ADAMTS16: variants seen among roughly 807,000 people sequenced by gnomAD.
The protein encoded by ADAMTS16 is A disintegrin and metalloproteinase with thrombospondin motifs 16.
ADAMTS16 carries 94 observed loss-of-function variants against 145.8 expected under a neutral mutation model. The ratio of observed to expected loss-of-function variants is 0.64; its 90% CI spans 0.55 to 0.77. ADAMTS16 has a LOEUF of 0.77. Ranked by LOEUF, ADAMTS16 falls within the 30% of genes least tolerant of loss-of-function variation. The pLI, the probability that ADAMTS16 is intolerant of heterozygous loss-of-function variation, is 0.00. For synonymous variants in ADAMTS16, 659 were observed against 604.3 expected, an observed-to-expected ratio of 1.09 and a Z score of -1.33; for missense variants, 1,585 against 1,591.5, an observed-to-expected ratio of 1.00 and a Z score of 0.07.
At chr5:5,259,368 G>A (rs547832070) in intron 17 of ADAMTS16, among the ~76,000 whole-genome samples, 2 of 152,296 alleles carry the variant, frequency 1.3e-5, no homozygotes, top group Admixed American at 6.5e-5. Flanking sequence ...CTGTTGAATC[G>A]AGGTTCAGGC....
intron 17 of ADAMTS16, among the ~76,000 whole-genome samples, chr5:5,256,456 A>AT (rs1179791495): frequency 2.6e-5 from 4 of 152,162 alleles, no homozygotes; most frequent in Admixed American, 2.6e-4. Flanking sequence ...TGAGTTTTAA[A>AT]TTTTTTTACT....
chr5:5,301,670 G>A (rs1560997390), intron 18 of ADAMTS16, among the ~76,000 whole-genome samples: 2 of 152,184 alleles, frequency 1.3e-5, no homozygotes, highest in Non-Finnish European at 2.9e-5. Context: ...CACCTAACCT[G>A]AGGGTGACTG....
chr5:5,176,744 T>C (rs1230825879), intron 3 of ADAMTS16, among the ~76,000 whole-genome samples: 2 of 152,220 alleles, frequency 1.3e-5, no homozygotes, highest in Non-Finnish European at 2.9e-5. Context: ...TATTAAATTA[T>C]ACTCTGCTTT....
At chr5:5,173,071 A>G (rs1378340787) in intron 3 of ADAMTS16, among the ~76,000 whole-genome samples, 2 of 151,330 alleles carry the variant, frequency 1.3e-5, no homozygotes, top group Non-Finnish European at 2.9e-5. Flanking sequence ...TGCATGGAAT[A>G]TCTCTTTCTA....
intron 18 of ADAMTS16, among the ~76,000 whole-genome samples, chr5:5,283,126 C>T (rs1209106728): frequency 1.3e-5 from 2 of 152,032 alleles, no homozygotes; most frequent in Non-Finnish European, 2.9e-5. Context: ...TTATTTACCC[C>T]TGCCCTTAGT....
At chr5:5,274,118 T>C (rs558363960) in intron 18 of ADAMTS16, among the ~76,000 whole-genome samples, 1 of 152,312 alleles carries the variant, frequency 6.6e-6, no homozygotes, top group African/African-American at 2.4e-5. Flanking sequence ...ATATATTTCC[T>C]AGGCCCACAC....
At chr5:5,194,187 T>G (rs1735737424) in intron 8 of ADAMTS16, among the ~76,000 whole-genome samples, 1 of 152,150 alleles carries the variant, frequency 6.6e-6, no homozygotes, top group Non-Finnish European at 1.5e-5. Context: ...GTATCAGATC[T>G]TTCTTGAACA....
intron 4 of ADAMTS16, 35 bp from the exon 5 acceptor site, chr5:5,186,017 G>T: frequency 1.3e-6 from 2 of 1,572,698 alleles, no homozygotes; most frequent in Non-Finnish European, 1.7e-6. Flanking sequence ...TGTGTGACTT[G>T]TGCTTCCATT....
intron 3 of ADAMTS16, among the ~76,000 whole-genome samples, chr5:5,171,591 T>C (rs1193179441): frequency 6.6e-6 from 1 of 152,262 alleles, no homozygotes; most frequent in Non-Finnish European, 1.5e-5. Flanking sequence ...TTTGTCTATG[T>C]TGAAGCATCT....
intron 17 of ADAMTS16, among the ~76,000 whole-genome samples, chr5:5,249,357 T>C (rs1737550681): frequency 6.6e-6 from 1 of 152,172 alleles, no homozygotes; most frequent in African/African-American, 2.4e-5. Flanking sequence ...AAGAAGTAGA[T>C]GTCTTATTAC....
chr5:5,200,354 C>T, intron 9 of ADAMTS16, 85 bp downstream of exon 9: 1 of 1,534,128 alleles, frequency 6.5e-7, no homozygotes, highest in Non-Finnish European at 8.8e-7. Flanking sequence ...GCAAGCAGCC[C>T]CAGGCTGTGC....
intron 21 of ADAMTS16, among the ~76,000 whole-genome samples, chr5:5,312,448 A>AT (rs11458204): frequency 0.5 from 67,418 of 134,364 alleles, 16,812 homozygotes; most frequent in East Asian, 0.57. Context: ...TGTTGTTGTT[A>AT]TTTTTTTTTT....
intron 11 of ADAMTS16, among the ~76,000 whole-genome samples, chr5:5,230,472 A>C (rs983197904): frequency 2.0e-5 from 3 of 152,160 alleles, no homozygotes; most frequent in African/African-American, 7.2e-5. Flanking sequence ...TTAGTGAAAG[A>C]GCTTCGAAGA....
chr5:5,229,133 C>G (rs1166594298), intron 11 of ADAMTS16, among the ~76,000 whole-genome samples: 1 of 151,236 alleles, frequency 6.6e-6, no homozygotes, highest in African/African-American at 2.4e-5. Context: ...CCCGTCTCTA[C>G]TAAAAATACA....
intron 11 of ADAMTS16, among the ~76,000 whole-genome samples, chr5:5,231,878 G>A (rs1259394188): frequency 1.3e-5 from 2 of 152,110 alleles, no homozygotes; most frequent in African/African-American, 2.4e-5. Context: ...CCAAGGCTCC[G>A]AGCCCAGGTG....
chr5:5,318,100 G>T, intron 21 of ADAMTS16, 34 bp from the exon 22 acceptor site: 1 of 1,347,508 alleles, frequency 7.4e-7, no homozygotes, highest in East Asian at 2.8e-5. Context: ...TGAGAGCCTG[G>T]GGCCATGGTG....
At chr5:5,262,905 G>A in intron 18 of ADAMTS16, 122 bp downstream of exon 18, 3 of 1,408,686 alleles carry the variant, frequency 2.1e-6, no homozygotes, top group Non-Finnish European at 2.9e-6. Flanking sequence ...TAACAGTGGA[G>A]AAGCAAAGGG....
intron 12 of ADAMTS16, 33 bp downstream of exon 12, chr5:5,232,549 G>C (rs764625972): frequency 6.3e-7 from 1 of 1,599,432 alleles, no homozygotes; most frequent in Non-Finnish European, 8.5e-7. Flanking sequence ...CCTCACAAAC[G>C]ACTGATTTCC....
chr5:5,296,391 TC>T (rs1214366307), intron 18 of ADAMTS16, among the ~76,000 whole-genome samples: 2 of 152,144 alleles, frequency 1.3e-5, no homozygotes, highest in Non-Finnish European at 2.9e-5. Flanking sequence ...CTCCCCGCCC[TC>T]CCCAGTTTTT....
Sources: allele counts gnomAD v4.1 joint callset (sites outside exome capture counted in the v4.1 genomes callset), GRCh38; gene constraint gnomAD v4.1.1; transcripts MANE v1.5; gene names NCBI Gene and HGNC (gene_info 2026-07-23, HGNC 2026-07-21).